The following ATP10B variants were observed in gnomAD, a reference collection of about 807,000 sequenced individuals.
ATP10B encodes ATPase phospholipid transporting 10B (putative), also known as phospholipid-transporting ATPase VB.
In ATP10B, 122 loss-of-function variants were observed where a neutral mutation model predicts 141.2. The ratio of observed to expected loss-of-function variants is 0.86; its 90% confidence interval spans 0.75 to 1.00. The LOEUF (loss-of-function observed/expected upper bound fraction) is 1.00. Ranked by LOEUF, ATP10B falls within the 50% of genes least tolerant of loss-of-function variation. ATP10B has a pLI of 0.00. For missense variants in ATP10B, 1,876 were observed against 1,825.3 expected (o/e 1.03, Z -0.51); for synonymous variants, 685 against 692.0 (o/e 0.99, Z 0.16).
intron 2 of ATP10B, among the ~76,000 whole-genome samples, chr5:160,739,810 T>C (rs1011291054): frequency 6.8e-6 from 1 of 148,086 alleles, no homozygotes; most frequent in Non-Finnish European, 1.5e-5. Flanking sequence ...ATTTCCTGTT[T>C]TTTGTTTTTG....
chr5:160,805,012 T>C (rs1772678564), intron 1 of ATP10B, among the ~76,000 whole-genome samples: 1 of 152,170 alleles, frequency 6.6e-6, no homozygotes, highest in East Asian at 1.9e-4. Flanking sequence ...CAATTTGTAT[T>C]TGGCCAAAAA....
chr5:160,637,324 T>C lies in ATP10B; in HGVS notation c.1001-1015A>G, dbSNP rs148368589. Among the ~76,000 whole-genome samples, 432 of 152,094 alleles carry C rather than the reference T, an allele frequency of 2.8e-3. 1 individual carries two copies. Among genetic ancestry groups the C allele is most frequent in the African/African-American group, 0.01 (421 of 41,492 alleles). ...ACCCACCTACTTACCCATCCATCCA[T>C]TTATCCATCCATCCATTCATCCATC... On this transcript the variant is annotated intron_variant, in intron 10 of 25. Coordinates refer to ENST00000327245, the MANE Select transcript of ATP10B (RefSeq NM_025153.3).
chr5:160,585,375 C>T (rs186666877), intron 24 of ATP10B, among the ~76,000 whole-genome samples: 66 of 152,228 alleles, frequency 4.3e-4, no homozygotes, highest in Admixed American at 3.5e-3. Flanking sequence ...GAGGCTGAGA[C>T]GGGCGGATCA....
chr5:160,747,950 C>A (rs1294887788), intron 2 of ATP10B, among the ~76,000 whole-genome samples: 2 of 141,220 alleles, frequency 1.4e-5, no homozygotes, highest in Non-Finnish European at 3.0e-5. Context: ...AGACTGATGG[C>A]TCCCAGGATG....
chr5:160,791,092 T>C (rs1771533941), intron 1 of ATP10B, among the ~76,000 whole-genome samples: 1 of 149,634 alleles, frequency 6.7e-6, no homozygotes, highest in Non-Finnish European at 1.5e-5. Context: ...GGGCCTGCAG[T>C]CCTACAACTG....
intron 15 of ATP10B, among the ~76,000 whole-genome samples, chr5:160,618,498 G>A (rs1205856548): frequency 1.3e-5 from 2 of 152,170 alleles, no homozygotes; most frequent in Admixed American, 1.3e-4. Context: ...GATCTCATTA[G>A]CTAAGTTCCT....
chr5:160,780,141 T>G (rs1445337765), intron 2 of ATP10B, among the ~76,000 whole-genome samples: 1 of 152,192 alleles, frequency 6.6e-6, no homozygotes, highest in Non-Finnish European at 1.5e-5. Flanking sequence ...ATACAAAATA[T>G]AAATGGCTGA....
At chr5:160,702,634 G>A (rs1764744362) in intron 3 of ATP10B, among the ~76,000 whole-genome samples, 4 of 152,178 alleles carry the variant, frequency 2.6e-5, no homozygotes, top group Admixed American at 2.6e-4. Context: ...TATGACTCAG[G>A]GCTTTTGACT....
At chr5:160,803,371 C>T (rs1378138863) in intron 1 of ATP10B, among the ~76,000 whole-genome samples, 1 of 152,112 alleles carries the variant, frequency 6.6e-6, no homozygotes, top group East Asian at 1.9e-4. Context: ...GAGGCATCAA[C>T]TGAGGCATAG....
At chr5:160,583,099 C>G (rs1218485886) in intron 24 of ATP10B, among the ~76,000 whole-genome samples, 1 of 152,196 alleles carries the variant, frequency 6.6e-6, no homozygotes, top group Non-Finnish European at 1.5e-5. Context: ...CAAACTCATT[C>G]TCCATCCAGT....
intron 2 of ATP10B, among the ~76,000 whole-genome samples, chr5:160,783,408 C>T (rs1282438038): frequency 9.1e-6 from 1 of 109,680 alleles, no homozygotes; most frequent in Non-Finnish European, 1.9e-5. Flanking sequence ...ATGGATATAT[C>T]TATCCATGGA....
At chr5:160,849,759 A>G (rs1753685900) in intron 1 of ATP10B, among the ~76,000 whole-genome samples, 1 of 152,156 alleles carries the variant, frequency 6.6e-6, no homozygotes, top group Non-Finnish European at 1.5e-5. Flanking sequence ...TTTCTACTAA[A>G]CAATACCCAC....
intron 1 of ATP10B, among the ~76,000 whole-genome samples, chr5:160,813,345 A>G (rs6556526): frequency 2.6e-5 from 4 of 152,234 alleles, no homozygotes; most frequent in Admixed American, 6.5e-5. Flanking sequence ...TATCCCGCGC[A>G]TGGCTTGGAG....
rs1759223019 is a variant in ATP10B, at chr5:160,634,679, GC to G, written c.1129-74del. The G allele has an allele frequency of 2.0e-6, 3 of 1,489,934 alleles. No individual in the cohort carries two copies. The African/African-American group carries it at 4.2e-5, about 21-fold the overall frequency. 92.3% of individuals were successfully genotyped at this position (1,489,934 alleles called of 1,614,324 possible). ...CCCTTGGGATCCTCACTAGCAGGTA[GC>G]AAAGGCATTTCATAGAAAGTTGAGG... On this transcript the variant is annotated intron_variant, in intron 11 of 25. Coordinates refer to ENST00000327245, the MANE Select transcript of ATP10B (RefSeq NM_025153.3).
At chr5:160,914,653 C>T in the ATP10B span, among the ~76,000 whole-genome samples, 1 of 152,066 alleles carries the variant, frequency 6.6e-6, no homozygotes, top group East Asian at 1.9e-4. Context: ...GTGGAACCTG[C>T]ATATGTAGAG....
chr5:160,670,426 A>C (rs780442412), intron 7 of ATP10B, 37 bp downstream of exon 7: 1 of 1,607,486 alleles, frequency 6.2e-7, no homozygotes, highest in Admixed American at 1.7e-5. Context: ...CATCCTTTCT[A>C]TGACTTTACC....
At position 160,762,660 on chromosome 5, in the gene ATP10B, A is replaced by C. The variant is rs190460660; in HGVS notation, c.-331+22899T>G. Among the ~76,000 whole-genome samples, 283 of 152,208 alleles carry C rather than the reference A, an allele frequency of 1.9e-3. 2 individuals are homozygous for C. Among genetic ancestry groups the C allele is most frequent in the African/African-American group, 6.3e-3 (262 of 41,546 alleles). On this transcript the variant is annotated intron_variant, in intron 2 of 25. Coordinates refer to ENST00000327245, the MANE Select transcript of ATP10B (RefSeq NM_025153.3). ...AAAACAATGACATAATGAAAAAAAA[A>C]CCCACAAAGTATTCAGACAACAACT...
the ATP10B span, among the ~76,000 whole-genome samples, chr5:160,891,332 G>A: frequency 6.6e-6 from 1 of 152,116 alleles, no homozygotes; most frequent in South Asian, 2.1e-4. Context: ...CCATCAGTAT[G>A]TGTCCTTCAC....
At chr5:160,896,410 A>C in the ATP10B span, among the ~76,000 whole-genome samples, 3 of 152,032 alleles carry the variant, frequency 2.0e-5, no homozygotes, top group Admixed American at 1.3e-4. Context: ...AGAATACTAT[A>C]AACACCTCTA....
Sources: gnomAD v4.1 joint callset for allele counts (sites outside exome capture counted in the v4.1 genomes callset) on GRCh38, gnomAD v4.1.1 for gene constraint, MANE v1.5 for transcripts, NCBI Gene and HGNC (gene_info 2026-07-23, HGNC 2026-07-21) for gene names.